CNST: variants seen among roughly 807,000 people sequenced by gnomAD.
CNST encodes consortin.
In CNST, 39 loss-of-function variants were observed where a neutral mutation model predicts 72.4. That is an observed-to-expected ratio of 0.54 (90% CI 0.42 to 0.70). The LOEUF is 0.70. Ranked by LOEUF, CNST falls within the 30% of genes least tolerant of loss-of-function variation. The probability of loss-of-function intolerance (pLI) is 0.00; values close to 1 mark genes in which losing one functional copy is unlikely to be tolerated. For synonymous variants in CNST, 332 were observed against 320.1 expected (o/e 1.04, Z -0.40); for missense variants, 871 against 868.5 (o/e 1.00, Z -0.04).
intron 6 of CNST, among the ~76,000 whole-genome samples, chr1:246,637,539 G>T (rs948914804): frequency 6.6e-6 from 1 of 152,210 alleles, no homozygotes; most frequent in African/African-American, 2.4e-5. Context: ...AAAAGAGGGT[G>T]CTTTTGGTGT....
At chr1:246,589,400 T>C (rs1382861722) in intron 1 of CNST, among the ~76,000 whole-genome samples, 1 of 151,924 alleles carries the variant, frequency 6.6e-6, no homozygotes, top group Non-Finnish European at 1.5e-5. Flanking sequence ...TTGCTGAGAA[T>C]GATGGTTTCC....
chr1:246,597,973 GTATTTATT>G (rs55701547), intron 2 of CNST, among the ~76,000 whole-genome samples: 4 of 150,358 alleles, frequency 2.7e-5, no homozygotes, highest in Non-Finnish European at 3.0e-5. Context: ...TCACAAGATG[GTATTTATT>G]TATTTATTTA....
At chr1:246,578,600 G>A (rs1055847894) in intron 1 of CNST, among the ~76,000 whole-genome samples, 1 of 152,082 alleles carries the variant, frequency 6.6e-6, no homozygotes, top group African/African-American at 2.4e-5. Flanking sequence ...GAACCCGGGA[G>A]GCGGAGGTTG....
At chr1:246,581,389 G>A (rs538975772) in intron 1 of CNST, among the ~76,000 whole-genome samples, 29 of 151,864 alleles carry the variant, frequency 1.9e-4, no homozygotes, top group Admixed American at 5.9e-4. Flanking sequence ...TCAGCCTCCC[G>A]AGTAGCTGGA....
intron 1 of CNST, among the ~76,000 whole-genome samples, chr1:246,573,630 C>G (rs528201569): frequency 1.3e-5 from 2 of 152,170 alleles, no homozygotes; most frequent in Non-Finnish European, 2.9e-5. Flanking sequence ...ACCTGTGTGT[C>G]CATGGCTTGC....
In CNST at chr1:246,647,125, T is replaced by G. The variant is rs775332944; in HGVS notation, c.938-14T>G. 5 of 1,584,872 alleles carry G rather than the reference T, an allele frequency of 3.2e-6. No homozygotes were observed. Among genetic ancestry groups the G allele is most frequent in the East Asian group, 4.5e-5 (2 of 44,586 alleles). ...GTTTTGAATTTTTAACAATTTATTT[T>G]TCTTCATCTTTAGAGAGTAAAACTT... On this transcript the variant is annotated splice_polypyrimidine_tract_variant and intron_variant, in intron 8 of 10. Coordinates refer to ENST00000366513, the MANE Select transcript of CNST (RefSeq NM_152609.3).
At chr1:246,634,857 G>A (rs903388295) in intron 6 of CNST, among the ~76,000 whole-genome samples, 2 of 152,140 alleles carry the variant, frequency 1.3e-5, no homozygotes, top group Non-Finnish European at 2.9e-5. Context: ...CGTGAGGACG[G>A]GGCAGGGGTT....
intron 10 of CNST, among the ~76,000 whole-genome samples, chr1:246,663,679 G>A (rs1241558178): frequency 1.3e-5 from 2 of 152,046 alleles, no homozygotes; most frequent in African/African-American, 4.8e-5. Context: ...GGCAGAGGTT[G>A]CAGTGAGCCA....
intron 2 of CNST, among the ~76,000 whole-genome samples, chr1:246,613,097 G>A (rs2103063445): frequency 6.6e-6 from 1 of 152,242 alleles, no homozygotes; most frequent in East Asian, 1.9e-4. Flanking sequence ...ATAGATGTGG[G>A]ATCTGAAGCA....
chr1:246,617,174 T>G (rs917522619), intron 2 of CNST, among the ~76,000 whole-genome samples: 1 of 152,124 alleles, frequency 6.6e-6, no homozygotes, highest in African/African-American at 2.4e-5. Flanking sequence ...AGAGGAAAAT[T>G]TAATGCATGT....
chr1:246,569,496 CT>C (rs1271991033), intron 1 of CNST, among the ~76,000 whole-genome samples: 2 of 152,204 alleles, frequency 1.3e-5, no homozygotes, highest in African/African-American at 4.8e-5. Context: ...AAAAACTCCT[CT>C]TCCTGAAGTA....
At chr1:246,627,648 T>G (rs1043959872) in intron 3 of CNST, among the ~76,000 whole-genome samples, 6 of 152,156 alleles carry the variant, frequency 3.9e-5, no homozygotes, top group African/African-American at 1.4e-4. Context: ...GGGGAGAGGC[T>G]TTTCTATCAT....
intron 1 of CNST, among the ~76,000 whole-genome samples, chr1:246,589,948 T>A (rs1205107065): frequency 6.6e-6 from 1 of 152,194 alleles, no homozygotes; most frequent in Non-Finnish European, 1.5e-5. Context: ...CTTCGCCCAC[T>A]TTTTGATGGG....
At position 246,629,359 on chromosome 1, in the gene CNST, C is replaced by T. The variant is rs1395639067; in HGVS notation, c.586-2535C>T. ...GGGGGAGATTTTTAAAGGGGAAATACTTTGTATATTTATTTCTCAAGATGA... is the reference window on the plus strand; with the variant it reads ...GGGGGAGATTTTTAAAGGGGAAATATTTTGTATATTTATTTCTCAAGATGA... On this transcript the variant is annotated intron_variant, in intron 3 of 10. Coordinates refer to ENST00000366513, the MANE Select transcript of CNST (RefSeq NM_152609.3). 1.9e-4 allele frequency among the ~76,000 whole-genome samples: 29 copies of T among 150,266 alleles called. 1 individual carries two copies. Among genetic ancestry groups the T allele is most frequent in the Non-Finnish European group, 8.8e-5 (6 of 67,810 alleles).
chr1:246,664,628 G>C (rs192616004), intron 10 of CNST, among the ~76,000 whole-genome samples: 4 of 151,848 alleles, frequency 2.6e-5, no homozygotes, highest in East Asian at 1.9e-4. Flanking sequence ...GGGTTTCACC[G>C]TGTCAGCCAG....
At chr1:246,628,818 C>CT (rs1008173223) in intron 3 of CNST, among the ~76,000 whole-genome samples, 4 of 152,112 alleles carry the variant, frequency 2.6e-5, no homozygotes, top group Admixed American at 6.5e-5. Flanking sequence ...TTCACAGTGT[C>CT]TTTTTTTAGA....
rs115734082 is a variant in CNST at position 246,599,775 on chromosome 1, A to G, written c.379+7834A>G. Among the ~76,000 whole-genome samples the G allele has an allele frequency of 2.0e-3, 299 of 152,358 alleles. 2 individuals are homozygous for G. The highest frequency in any genetic ancestry group is 8.1e-3 in the South Asian group (39 of 4,828). On this transcript the variant is annotated intron_variant, in intron 2 of 10. Coordinates refer to ENST00000366513, the MANE Select transcript of CNST (RefSeq NM_152609.3). ...AAAAGATTTTAATATAGACTAGATG[A>G]TAACTTTACATAACAGAATAATTCT...
Position 246,634,168 on chromosome 1 carries a change from A to T in CNST, c.703+158A>T, listed in dbSNP as rs1042869631. On this transcript the variant is annotated intron_variant, in intron 5 of 10. Transcript: ENST00000366513. ...AAAGTAGCATTTTTACCACAAGTCT[A>T]TTATATTGTGAGAAGACTTTTTTCT... 12 of 596,476 alleles carry T rather than the reference A, an allele frequency of 2.0e-5. No individual in the cohort carries two copies. In the East Asian group the frequency reaches 3.4e-4, roughly 17 times the overall value. 36.9% of individuals were successfully genotyped at this position (596,476 alleles called of 1,614,324 possible). A position where few individuals can be genotyped will look rare whatever the true frequency, so the allele number is the denominator to read the frequency against.
intron 6 of CNST, among the ~76,000 whole-genome samples, chr1:246,640,899 T>C (rs1665640470): frequency 6.6e-6 from 1 of 152,196 alleles, no homozygotes; most frequent in Non-Finnish European, 1.5e-5. Flanking sequence ...GACGTATATG[T>C]CTATGTCACT....
Sources: allele counts gnomAD v4.1 joint callset (sites outside exome capture counted in the v4.1 genomes callset), GRCh38; gene constraint gnomAD v4.1.1; transcripts MANE v1.5; gene names NCBI Gene and HGNC (gene_info 2026-07-23, HGNC 2026-07-21).